The following TLN2 variants were observed in gnomAD, a reference collection of about 807,000 sequenced individuals.
TLN2 encodes the protein talin-2.
TLN2 carries 118 observed loss-of-function variants against 294.7 expected under a neutral mutation model. The ratio of observed to expected loss-of-function variants is 0.40; its 90% CI spans 0.34 to 0.47. The LOEUF (loss-of-function observed/expected upper bound fraction) is 0.47, where lower values mean the gene tolerates loss of function less well. Among genes scored for constraint, TLN2 ranks in the 20% least tolerant of loss-of-function variants. TLN2 has a pLI of 0.84. For synonymous variants in TLN2, 1,431 were observed against 1,304.5 expected, an observed-to-expected ratio of 1.10 and a Z score of -2.09; for missense variants, 3,083 against 3,282.2, an observed-to-expected ratio of 0.94 and a Z score of 1.48.
chr15:62,664,757 C>T (rs1018199902), intron 9 of TLN2, among the ~76,000 whole-genome samples: 3 of 145,288 alleles, frequency 2.1e-5, no homozygotes, highest in African/African-American at 7.6e-5. Context: ...ACTCGGGAGG[C>T]TGAGGCACGA....
intron 48 of TLN2, 54 bp downstream of exon 48, chr15:62,797,456 C>CATCGG (rs1193809374): frequency 3.3e-6 from 5 of 1,511,894 alleles, no homozygotes; most frequent in Non-Finnish European, 4.4e-6. Context: ...GAACGCTGCA[C>CATCGG]ATCGGGCCTC....
chr15:62,616,112 T>G (rs1450472612), intron 2 of TLN2, among the ~76,000 whole-genome samples: 2 of 152,210 alleles, frequency 1.3e-5, no homozygotes, highest in African/African-American at 4.8e-5. Context: ...TCATTTTCTG[T>G]AAAAATATTT....
intron 8 of TLN2, among the ~76,000 whole-genome samples, chr15:62,656,351 C>T (rs1469891896): frequency 6.6e-6 from 1 of 152,172 alleles, no homozygotes; most frequent in African/African-American, 2.4e-5. Flanking sequence ...CTCTGCCGGG[C>T]TTTGAGGGAC....
chr15:62,565,910 C>CTGTG lies in TLN2; in HGVS notation c.-237-23749_-237-23746dup, dbSNP rs71718001. Among the ~76,000 whole-genome samples, 784 of 148,484 alleles carry CTGTG rather than the reference C, an allele frequency of 5.3e-3. 6 individuals are homozygous for CTGTG. Among genetic ancestry groups the CTGTG allele is most frequent in the African/African-American group, 0.013 (525 of 40,402 alleles). ...GTTGGATGGCTCTACTGTTTACTAGCTGTGTGTGTGTGTGTGTGTGTGTGT... is the reference window on the plus strand; with the variant it reads ...GTTGGATGGCTCTACTGTTTACTAGCTGTGTGTGTGTGTGTGTGTGTGTGTGTGT... On this transcript the variant is annotated intron_variant, in intron 1 of 58. Transcript: ENST00000636159.
At chr15:62,608,887 G>A (rs1335456004) in intron 2 of TLN2, among the ~76,000 whole-genome samples, 1 of 152,036 alleles carries the variant, frequency 6.6e-6, no homozygotes, top group Non-Finnish European at 1.5e-5. Flanking sequence ...GAGAGCCTGT[G>A]GGATTAGGGG....
chr15:62,752,806 CAGAG>C (rs779338535), intron 35 of TLN2, among the ~76,000 whole-genome samples: 1 of 152,148 alleles, frequency 6.6e-6, no homozygotes, highest in Non-Finnish European at 1.5e-5. Context: ...TTTTTAGAAT[CAGAG>C]AGAGAAAAAA....
intron 1 of TLN2, among the ~76,000 whole-genome samples, chr15:62,474,177 A>G (rs1354851639): frequency 6.6e-6 from 1 of 152,222 alleles, no homozygotes; most frequent in Non-Finnish European, 1.5e-5. Flanking sequence ...TAACATGTTA[A>G]TTTAGCAGGG....
chr15:62,805,759 G>C lies in TLN2; in HGVS notation c.6637G>C (p.Val2213Leu), dbSNP rs150935340. ...IATANLSRKA[V>L]SDMLTACKQA... Reference sequence around the variant, plus strand: ...TACTGCCAACCTGAGCCGGAAAGCCGTGTCAGATATGTTGACGGCTTGCAA... The same window carrying C: ...TACTGCCAACCTGAGCCGGAAAGCCCTGTCAGATATGTTGACGGCTTGCAA... Residue 2213 changes from valine to leucine, a missense_variant, in exon 51 of 59, where the codon GTG becomes CTG. By Grantham distance (32) the Val-to-Leu change is conservative (BLOSUM62 1). Transcript: ENST00000636159. 4 of 1,613,966 alleles carry C rather than the reference G, an allele frequency of 2.5e-6. No individual in the cohort carries two copies. The highest frequency in any genetic ancestry group is 2.2e-5 in the South Asian group (2 of 91,052).
At chr15:62,510,397 A>T (rs1344507465) in intron 1 of TLN2, among the ~76,000 whole-genome samples, 1 of 152,198 alleles carries the variant, frequency 6.6e-6, no homozygotes, top group Non-Finnish European at 1.5e-5. Flanking sequence ...TCAGTTCCTT[A>T]AGCTGTAAAA....
intron 1 of TLN2, among the ~76,000 whole-genome samples, chr15:62,587,890 T>TC (rs1394952622): frequency 1.3e-5 from 2 of 152,190 alleles, no homozygotes; most frequent in African/African-American, 4.8e-5. Context: ...AAAATTACTT[T>TC]TTTTTTTGGA....
intron 1 of TLN2, among the ~76,000 whole-genome samples, chr15:62,500,555 G>C (rs1473811945): frequency 6.6e-6 from 1 of 152,170 alleles, no homozygotes; most frequent in Non-Finnish European, 1.5e-5. Flanking sequence ...GAGTCTAACT[G>C]GCCTTTGGAC....
chr15:62,671,608 C>G (rs1307595492), intron 9 of TLN2, among the ~76,000 whole-genome samples: 1 of 152,194 alleles, frequency 6.6e-6, no homozygotes, highest in South Asian at 2.1e-4. Context: ...GGGTTAATTT[C>G]TGGACTCTCA....
chr15:62,514,503 A>G (rs1382615461), intron 1 of TLN2, among the ~76,000 whole-genome samples: 1 of 152,208 alleles, frequency 6.6e-6, no homozygotes, highest in Non-Finnish European at 1.5e-5. Context: ...AAGAGTGGTA[A>G]TTAATTCACA....
chr15:62,653,000 C>T (rs993350897), intron 6 of TLN2, among the ~76,000 whole-genome samples, 162 bp from the exon 7 acceptor site: 6 of 152,128 alleles, frequency 3.9e-5, no homozygotes, highest in Non-Finnish European at 8.8e-5. Flanking sequence ...GCTGAAGCTT[C>T]TTCATTTAAT....
chr15:62,434,542 C>T (rs994842012), intron 1 of TLN2, among the ~76,000 whole-genome samples: 4 of 152,118 alleles, frequency 2.6e-5, no homozygotes, highest in East Asian at 3.8e-4. Context: ...AGTCCTAAAA[C>T]AGTTAAGTCA....
intron 42 of TLN2, 99 bp from the exon 43 acceptor site, chr15:62,776,665 T>G: frequency 8.7e-7 from 1 of 1,144,328 alleles, no homozygotes; most frequent in Non-Finnish European, 1.1e-6. Flanking sequence ...TGCTCCATTG[T>G]GGGGGTATGG....
At chr15:62,524,807 A>G (rs2040650599) in intron 1 of TLN2, among the ~76,000 whole-genome samples, 2 of 152,232 alleles carry the variant, frequency 1.3e-5, no homozygotes, top group Admixed American at 1.3e-4. Flanking sequence ...AGGATCTGGA[A>G]GTTCATGTTG....
chr15:62,759,972 T>A (rs998145647), intron 37 of TLN2, among the ~76,000 whole-genome samples: 1 of 152,214 alleles, frequency 6.6e-6, no homozygotes, highest in African/African-American at 2.4e-5. Context: ...ATATTAACAG[T>A]GCAACAAGAT....
At chr15:62,586,334 T>A (rs2045612168) in intron 1 of TLN2, among the ~76,000 whole-genome samples, 2 of 152,204 alleles carry the variant, frequency 1.3e-5, no homozygotes, top group African/African-American at 4.8e-5. Context: ...TCTTGTCCTT[T>A]GTCTAACTTC....
Sources: allele counts gnomAD v4.1 joint callset (sites outside exome capture counted in the v4.1 genomes callset), GRCh38; gene constraint gnomAD v4.1.1; transcripts MANE v1.5; gene names NCBI Gene and HGNC (gene_info 2026-07-23, HGNC 2026-07-21).